The following CERT1 variants were observed in gnomAD, a reference collection of about 807,000 sequenced individuals.
The protein encoded by CERT1 is ceramide transporter 1.
In CERT1, 31 loss-of-function variants were observed where a neutral mutation model predicts 87.9. The ratio of observed to expected loss-of-function variants is 0.35; its 90% CI spans 0.27 to 0.48. The LOEUF is 0.48. CERT1 is among the 20% of genes least tolerant of loss of function. The probability of loss-of-function intolerance (pLI) is 0.99; values close to 1 mark genes in which losing one functional copy is unlikely to be tolerated. For synonymous variants in CERT1, 289 were observed against 250.9 expected, an observed-to-expected ratio of 1.15 and a Z score of -1.44; for missense variants, 487 against 758.0, an observed-to-expected ratio of 0.64 and a Z score of 4.20.
intron 3 of CERT1, among the ~76,000 whole-genome samples, chr5:75,434,821 G>A (rs1055093362): frequency 2.6e-5 from 4 of 151,910 alleles, no homozygotes; most frequent in African/African-American, 9.7e-5. Context: ...TATTTCTGTG[G>A]GATGAGTGGT....
intron 5 of CERT1, chr5:75,425,138 A>C: frequency 2.3e-6 from 1 of 426,216 alleles, no homozygotes; most frequent in Non-Finnish European, 4.1e-6. Flanking sequence ...TAAATAAATA[A>C]AATAAAGGTC....
At chr5:75,479,474 G>C (rs1766126438) in intron 2 of CERT1, among the ~76,000 whole-genome samples, 1 of 152,016 alleles carries the variant, frequency 6.6e-6, no homozygotes, top group Non-Finnish European at 1.5e-5. Flanking sequence ...GTAGACCCCA[G>C]AGTCCATTGT....
intron 12 of CERT1, among the ~76,000 whole-genome samples, chr5:75,388,747 C>T (rs1054684606): frequency 2.0e-5 from 3 of 151,220 alleles, no homozygotes; most frequent in African/African-American, 7.3e-5. Flanking sequence ...GCCTCAGCCT[C>T]CTGGGTAGCT....
At chr5:75,447,469 TA>T (rs1248832041) in intron 3 of CERT1, among the ~76,000 whole-genome samples, 8 of 151,322 alleles carry the variant, frequency 5.3e-5, no homozygotes, top group South Asian at 2.1e-4. Flanking sequence ...TTTATTTATT[TA>T]TTTATTTTTT....
At chr5:75,426,059 C>T (rs1263372540) in intron 4 of CERT1, among the ~76,000 whole-genome samples, 2 of 152,172 alleles carry the variant, frequency 1.3e-5, no homozygotes, top group African/African-American at 4.8e-5. Flanking sequence ...TGCAGAAGCA[C>T]TGATTATTAA....
chr5:75,483,256 A>G (rs1227888800), intron 2 of CERT1, among the ~76,000 whole-genome samples: 1 of 152,236 alleles, frequency 6.6e-6, no homozygotes, highest in Non-Finnish European at 1.5e-5. Context: ...AATATACATC[A>G]GTGTCTCTCA....
intron 4 of CERT1, 41 bp downstream of exon 4, chr5:75,426,330 A>T (rs1763615303): frequency 7.2e-7 from 1 of 1,396,352 alleles, no homozygotes; most frequent in Non-Finnish European, 1.0e-6. Flanking sequence ...TACTAAACTC[A>T]ATTTATGTTG....
intron 12 of CERT1, among the ~76,000 whole-genome samples, chr5:75,386,963 G>A (rs537487349): frequency 6.6e-6 from 1 of 152,240 alleles, no homozygotes; most frequent in South Asian, 2.1e-4. Context: ...CGCCTCCCAG[G>A]TTCAAGCGAT....
intron 1 of CERT1, among the ~76,000 whole-genome samples, chr5:75,506,969 A>G (rs559786222): frequency 6.6e-6 from 1 of 152,334 alleles, no homozygotes; most frequent in South Asian, 2.1e-4. Context: ...TGTTAAGTAT[A>G]GAAAAATCTC....
intron 2 of CERT1, among the ~76,000 whole-genome samples, chr5:75,489,808 A>G (rs1580845265): frequency 6.6e-6 from 1 of 152,220 alleles, no homozygotes; most frequent in South Asian, 2.1e-4. Flanking sequence ...TAGTTCAACC[A>G]TTGTGGAAGA....
intron 16 of CERT1, among the ~76,000 whole-genome samples, chr5:75,380,655 G>A (rs762459798): frequency 3.2e-4 from 48 of 151,832 alleles, no homozygotes; most frequent in Non-Finnish European, 5.4e-4. Context: ...AGGCGTGGTT[G>A]TGGGCACCTG....
intron 16 of CERT1, among the ~76,000 whole-genome samples, chr5:75,380,674 G>C (rs749554722): frequency 2.0e-5 from 3 of 150,146 alleles, no homozygotes; most frequent in African/African-American, 4.9e-5. Flanking sequence ...TGTAATCCCA[G>C]CTACAGAGGC....
intron 2 of CERT1, among the ~76,000 whole-genome samples, chr5:75,468,873 C>T (rs1390961993): frequency 6.6e-6 from 1 of 152,178 alleles, no homozygotes; most frequent in Admixed American, 6.5e-5. Flanking sequence ...ATTTCTTCAA[C>T]ATGCGGATAT....
chr5:75,481,209 G>C (rs1172380413), intron 2 of CERT1, among the ~76,000 whole-genome samples: 6 of 152,136 alleles, frequency 3.9e-5, no homozygotes, highest in Non-Finnish European at 8.8e-5. Context: ...CTTTACAACT[G>C]CTGTTCCTTC....
intron 3 of CERT1, among the ~76,000 whole-genome samples, chr5:75,437,540 T>C (rs1764146388): frequency 6.6e-6 from 1 of 151,888 alleles, no homozygotes; most frequent in Non-Finnish European, 1.5e-5. Flanking sequence ...CCAAGGCAGG[T>C]GGATTACTTG....
At chr5:75,420,488 C>T (rs1468758102) in intron 5 of CERT1, among the ~76,000 whole-genome samples, 3 of 151,630 alleles carry the variant, frequency 2.0e-5, no homozygotes, top group Admixed American at 6.6e-5. Context: ...GGACTACAGG[C>T]GCCTGCCACC....
chr5:75,493,562 G>C (rs1445130172), intron 2 of CERT1, among the ~76,000 whole-genome samples: 1 of 152,090 alleles, frequency 6.6e-6, no homozygotes, highest in Non-Finnish European at 1.5e-5. Context: ...CTTAACCTTT[G>C]TTGTTATGTT....
At chr5:75,398,254 A>G (rs1382007385) in intron 11 of CERT1, among the ~76,000 whole-genome samples, 1 of 152,222 alleles carries the variant, frequency 6.6e-6, no homozygotes, top group Non-Finnish European at 1.5e-5. Context: ...AAATAATAGA[A>G]ATCTCTTTAA....
Position 75,511,342 on chromosome 5 carries a change from G to A in CERT1, c.-135C>T. 2 of 1,545,212 alleles carry A rather than the reference G, an allele frequency of 1.3e-6. No individual in the cohort carries two copies. Among genetic ancestry groups the A allele is most frequent in the Non-Finnish European group, 1.7e-6 (2 of 1,146,134 alleles). ...CGCTCCGGTGTGGGGGGGAGCAGGA[G>A]GAGGGACGAAGTCCGCCCGCCGCGC... On this transcript the variant is annotated 5_prime_UTR_variant, in exon 1 of 17. Coordinates refer to ENST00000643780, the MANE Select transcript of CERT1 (RefSeq NM_001379029.1).
Sources: allele counts gnomAD v4.1 joint callset (sites outside exome capture counted in the v4.1 genomes callset), GRCh38; gene constraint gnomAD v4.1.1; transcripts MANE v1.5; gene names NCBI Gene and HGNC (gene_info 2026-07-23, HGNC 2026-07-21).